TSPAN9: variants seen among roughly 807,000 people sequenced by gnomAD.
The protein encoded by TSPAN9 is tetraspanin 9.
A neutral mutation model predicts 31.0 loss-of-function variants in TSPAN9; 16 were observed. The observed-to-expected ratio is 0.52, with a 90% confidence interval of 0.35 to 0.78. The LOEUF (loss-of-function observed/expected upper bound fraction) is 0.78. TSPAN9 is among the 30% of genes least tolerant of loss of function. TSPAN9 has a pLI of 0.01. For missense variants in TSPAN9, 272 were observed against 312.5 expected (o/e 0.87, Z 0.98); for synonymous variants, 145 against 121.6 (o/e 1.19, Z -1.27).
intron 3 of TSPAN9, among the ~76,000 whole-genome samples, chr12:3,260,751 G>A (rs1862433122): frequency 6.6e-6 from 1 of 152,200 alleles, no homozygotes; most frequent in African/African-American, 2.4e-5. Flanking sequence ...GCAGGCCATG[G>A]GCCCTTCATG....
chr12:3,250,821 G>A (rs370736816), intron 3 of TSPAN9, among the ~76,000 whole-genome samples: 5 of 152,334 alleles, frequency 3.3e-5, no homozygotes, highest in African/African-American at 1.2e-4. Flanking sequence ...CAGGCCCGGG[G>A]AGCAGCCCGG....
chr12:3,113,162 G>A lies in TSPAN9; in HGVS notation c.-18+29443G>A, dbSNP rs956408806. 3.9e-5 allele frequency among the ~76,000 whole-genome samples: 6 copies of A among 152,198 alleles called. No homozygotes were observed. The East Asian group carries it at 1.2e-3, about 29-fold the overall frequency. The stretch of plus-strand genomic sequence containing the variant: ...CATAAGCTTACATTCTAATGTAAGA[G>A]CCCATCAAGGGAATACATGTCTGTT... On this transcript the variant is annotated intron_variant, in intron 2 of 8. Coordinates refer to ENST00000011898, the MANE Select transcript of TSPAN9 (RefSeq NM_006675.5).
At chr12:3,216,867 C>T (rs2098381692) in intron 3 of TSPAN9, among the ~76,000 whole-genome samples, 2 of 152,202 alleles carry the variant, frequency 1.3e-5, no homozygotes, top group Non-Finnish European at 2.9e-5. Flanking sequence ...ATCCCCAAGG[C>T]CCCTGCTTTG....
chr12:3,099,941 A>G (rs967792150), intron 2 of TSPAN9, among the ~76,000 whole-genome samples: 2 of 149,054 alleles, frequency 1.3e-5, no homozygotes, highest in East Asian at 2.0e-4. Flanking sequence ...TCCCGGGTTC[A>G]TGCCATTCTC....
At chr12:3,226,945 C>A (rs980116515) in intron 3 of TSPAN9, among the ~76,000 whole-genome samples, 1 of 150,398 alleles carries the variant, frequency 6.6e-6, no homozygotes, top group Non-Finnish European at 1.5e-5. Context: ...CGAAGGGTTT[C>A]CAACAGTATC....
chr12:3,092,486 G>A (rs1039954787), intron 2 of TSPAN9, among the ~76,000 whole-genome samples: 2 of 152,126 alleles, frequency 1.3e-5, no homozygotes, highest in Non-Finnish European at 2.9e-5. Context: ...CATAGTTCCC[G>A]AGGGCCCAGT....
chr12:3,227,142 G>T (rs1461779253), intron 3 of TSPAN9, among the ~76,000 whole-genome samples: 1 of 151,950 alleles, frequency 6.6e-6, no homozygotes, highest in Non-Finnish European at 1.5e-5. Flanking sequence ...CTGTATGCTG[G>T]CAGTAAACAC....
In TSPAN9 at chr12:3,201,170, C is replaced by T. The variant is rs565400457; in HGVS notation, c.-17-7C>T. The T allele has an allele frequency of 2.5e-6, 4 of 1,612,944 alleles. No homozygotes were observed. Among genetic ancestry groups the T allele is most frequent in the East Asian group, 2.2e-5 (1 of 44,872 alleles). On this transcript the variant is annotated splice_polypyrimidine_tract_variant and splice_region_variant and intron_variant, in intron 2 of 8. Transcript: ENST00000011898. ...TTACCTGGACCTGTCCTTTGTGTTC[C>T]TCCTAGAATTTAAGAAGTGCAACAT...
chr12:3,120,104 T>C (rs945427846), intron 2 of TSPAN9, among the ~76,000 whole-genome samples: 1 of 152,182 alleles, frequency 6.6e-6, no homozygotes, highest in Non-Finnish European at 1.5e-5. Flanking sequence ...TCCTTTCCTC[T>C]GTTGCCTCTT....
At chr12:3,144,965 T>C (rs939370641) in intron 2 of TSPAN9, among the ~76,000 whole-genome samples, 2 of 152,268 alleles carry the variant, frequency 1.3e-5, no homozygotes, top group Non-Finnish European at 2.9e-5. Context: ...TCAAATTGTG[T>C]TTCTTAGCAT....
At chr12:3,099,668 G>C (rs1034397792) in intron 2 of TSPAN9, among the ~76,000 whole-genome samples, 1 of 152,072 alleles carries the variant, frequency 6.6e-6, no homozygotes, top group Non-Finnish European at 1.5e-5. Context: ...CTTTATTCTG[G>C]CATTCATTTA....
intron 3 of TSPAN9, among the ~76,000 whole-genome samples, chr12:3,255,443 AC>A (rs1196504492): frequency 1.3e-5 from 2 of 152,184 alleles, no homozygotes; most frequent in Non-Finnish European, 2.9e-5. Context: ...GCCGAGCCCA[AC>A]CCAGCTCTAT....
At chr12:3,089,506 A>G (rs931552740) in intron 2 of TSPAN9, among the ~76,000 whole-genome samples, 9 of 151,760 alleles carry the variant, frequency 5.9e-5, no homozygotes, top group Non-Finnish European at 1.0e-4. Context: ...CGTGTTGGCC[A>G]GGGTGGTCTC....
chr12:3,112,165 A>G (rs2098319162), intron 2 of TSPAN9, among the ~76,000 whole-genome samples: 1 of 139,044 alleles, frequency 7.2e-6, no homozygotes, highest in Admixed American at 7.6e-5. Flanking sequence ...TGTGGTATCA[A>G]TTGTAATGTT....
intron 3 of TSPAN9, among the ~76,000 whole-genome samples, chr12:3,212,433 T>A (rs2098379211): frequency 6.6e-6 from 1 of 152,222 alleles, no homozygotes; most frequent in Non-Finnish European, 1.5e-5. Context: ...TCTTTTTATA[T>A]ATTTTTTAAA....
chr12:3,244,270 G>A (rs2098398141), intron 3 of TSPAN9, among the ~76,000 whole-genome samples: 1 of 152,150 alleles, frequency 6.6e-6, no homozygotes, highest in South Asian at 2.1e-4. Context: ...TAGGTAAGCG[G>A]GTCTTGGCTG....
At position 3,278,901 on chromosome 12, in the gene TSPAN9, C is replaced by T. The variant is rs899781448; in HGVS notation, c.256-91C>T. Reference sequence around the variant, plus strand: ...CTTCTCCCAGACCTGGGAAGCCCCACCTAGGCGCCGCCTGTCCCTGCCTTC... The same window carrying T: ...CTTCTCCCAGACCTGGGAAGCCCCATCTAGGCGCCGCCTGTCCCTGCCTTC... On this transcript the variant is annotated intron_variant, in intron 4 of 8. Transcript: ENST00000011898. The T allele has an allele frequency of 1.1e-5, 15 of 1,396,036 alleles. No individual in the cohort carries two copies. The African/African-American group carries it at 2.0e-4, about 18-fold the overall frequency. 86.5% of individuals were successfully genotyped at this position (1,396,036 alleles called of 1,614,324 possible).
In TSPAN9 at chr12:3,281,000, A is replaced by C. The variant is rs1862881872; in HGVS notation, c.433-198A>C. 6.6e-6 allele frequency among the ~76,000 whole-genome samples: 1 copy of C among 152,156 alleles called. No homozygotes were observed. The highest frequency in any genetic ancestry group is 2.1e-4 in the South Asian group (1 of 4,826). On this transcript the variant is annotated intron_variant, in intron 6 of 8. Transcript: ENST00000011898. This position sits in a 1 kb window ranked among gnomAD's most constrained non-coding sequence, Gnocchi z 4.5. ...GCCCTCTCCCGCTCTGGTCTCCAGGAAGGAGTGCTCACTCACTTCTCCAGT... is the reference window on the plus strand; with the variant it reads ...GCCCTCTCCCGCTCTGGTCTCCAGGCAGGAGTGCTCACTCACTTCTCCAGT...
At chr12:3,276,055 C>A (rs1340710058) in intron 3 of TSPAN9, among the ~76,000 whole-genome samples, 5 of 152,180 alleles carry the variant, frequency 3.3e-5, no homozygotes, top group African/African-American at 1.2e-4. Context: ...AGCTCTCAAG[C>A]TGGTCTGGCT....
Sources: allele counts gnomAD v4.1 joint callset (sites outside exome capture counted in the v4.1 genomes callset), GRCh38; gene constraint gnomAD v4.1.1; non-coding constraint Gnocchi (gnomAD v3.1); transcripts MANE v1.5; gene names NCBI Gene and HGNC (gene_info 2026-07-23, HGNC 2026-07-21).